Variants in ANO10 observed in about 807,000 individuals in gnomAD.
ANO10 encodes anoctamin 10.
In ANO10, 77 loss-of-function variants were observed where a neutral mutation model predicts 74.7. The observed-to-expected ratio is 1.03, with a 90% CI of 0.86 to 1.25. The LOEUF (loss-of-function observed/expected upper bound fraction) is 1.25. Among genes scored for constraint, ANO10 ranks in the 50% most tolerant of loss-of-function variants. ANO10 has a pLI of 0.00. For synonymous variants in ANO10, 279 were observed against 284.9 expected (o/e 0.98, Z 0.21); for missense variants, 721 against 778.1 (o/e 0.93, Z 0.87).
chr3:43,366,407 CAAAAGAGAACCAG>C lies in ANO10; in HGVS notation c.*486_*498del, dbSNP rs1258556301. The C allele has an allele frequency of 4.4e-6, 1 of 229,794 alleles. No homozygotes were observed. Among genetic ancestry groups the C allele is most frequent in the African/African-American group, 2.2e-5 (1 of 44,584 alleles). The allele number at this position is 229,794 out of a possible 1,614,324, so 14.2% of individuals were successfully genotyped here. ...TGATAAAGGGTCTGTTAATGTATTG[CAAAAGAGAACCAG>C]GAAAGAGGTCCAGTGTGGGAAGCAC... On this transcript the variant is annotated 3_prime_UTR_variant, in exon 13 of 13. Transcript: ENST00000292246.
intron 11 of ANO10, among the ~76,000 whole-genome samples, chr3:43,526,661 C>G: frequency 6.6e-6 from 1 of 152,140 alleles, no homozygotes; most frequent in Non-Finnish European, 1.5e-5. Context: ...CGTCCTATGT[C>G]TTATGAATAT....
At chr3:43,470,557 T>C (rs36156902) in intron 11 of ANO10, among the ~76,000 whole-genome samples, 2,864 of 152,028 alleles carry the variant, frequency 0.019, 48 homozygotes, top group South Asian at 0.059. Flanking sequence ...GGTCTCGATC[T>C]CCTGACCTCA....
At chr3:43,388,633 T>C (rs1178092004) in intron 12 of ANO10, among the ~76,000 whole-genome samples, 1 of 152,222 alleles carries the variant, frequency 6.6e-6, no homozygotes, top group African/African-American at 2.4e-5. Flanking sequence ...AGAAAAACTT[T>C]AAGTACATGG....
chr3:43,405,230 T>G (rs373000411), intron 12 of ANO10, among the ~76,000 whole-genome samples: 1 of 152,348 alleles, frequency 6.6e-6, no homozygotes, highest in African/African-American at 2.4e-5. Flanking sequence ...TACCCTTTGA[T>G]AAACTGTAAA....
chr3:43,643,678 C>CTTTTTTTT (rs1310556861), intron 1 of ANO10, among the ~76,000 whole-genome samples: 6 of 133,616 alleles, frequency 4.5e-5, no homozygotes, highest in African/African-American at 1.9e-4. Flanking sequence ...TTGTCCTCAT[C>CTTTTTTTT]TTTTCTTTTT....
At chr3:43,570,626 GC>G (rs1396840706) in intron 7 of ANO10, among the ~76,000 whole-genome samples, 1 of 151,478 alleles carries the variant, frequency 6.6e-6, no homozygotes, top group East Asian at 1.9e-4. Flanking sequence ...AAACTGGCTA[GC>G]CATATGTAGA....
chr3:43,615,088 A>G (rs1421952983), intron 1 of ANO10, among the ~76,000 whole-genome samples: 2 of 151,978 alleles, frequency 1.3e-5, no homozygotes, highest in African/African-American at 4.8e-5. Flanking sequence ...TAATAAATAA[A>G]CAGTAATATC....
rs147489741 is a variant in ANO10 at position 43,509,333 on chromosome 3, G to A, written c.1797+40387C>T. On this transcript the variant is annotated intron_variant, in intron 11 of 12. Coordinates refer to ENST00000292246, the MANE Select transcript of ANO10 (RefSeq NM_018075.5). ...GTACACGTATGTAACAAACCTGCAC[G>A]TTGTGCACATGTACCCTAGAACTTA... is the stretch of plus-strand genomic sequence containing the variant. Among the ~76,000 whole-genome samples, 136 of 152,142 alleles carry A rather than the reference G, an allele frequency of 8.9e-4. 1 individual carries two copies. Among genetic ancestry groups the A allele is most frequent in the African/African-American group, 2.8e-3 (117 of 41,488 alleles).
intron 5 of ANO10, among the ~76,000 whole-genome samples, chr3:43,579,433 T>C (rs968247663): frequency 3.9e-5 from 6 of 152,160 alleles, no homozygotes; most frequent in Non-Finnish European, 7.4e-5. Flanking sequence ...AAAACTTGTC[T>C]GAGGCTGGGC....
At chr3:43,567,538 TAAAG>T (rs955059665) in intron 7 of ANO10, among the ~76,000 whole-genome samples, 7 of 152,062 alleles carry the variant, frequency 4.6e-5, no homozygotes, top group Non-Finnish European at 1.0e-4. Flanking sequence ...TCAACATTCT[TAAAG>T]AAAAGAATTT....
intron 5 of ANO10, among the ~76,000 whole-genome samples, 169 bp from the exon 6 acceptor site, chr3:43,577,430 G>A (rs2081065592): frequency 6.6e-6 from 1 of 152,168 alleles, no homozygotes; most frequent in Admixed American, 6.5e-5. Flanking sequence ...GACCCTGCTT[G>A]TCTGCATGGC....
Position 43,576,868 on chromosome 3 carries a change from G to C in ANO10, c.986C>G (p.Ser329Ter). 1 of 1,614,190 alleles carries C rather than the reference G, an allele frequency of 6.2e-7. No homozygotes were observed. The highest frequency in any genetic ancestry group is 8.5e-7 in the Non-Finnish European group (1 of 1,180,030). ...GAAGTAAATCATCATGACATACAGT[G>C]AGAAATAGAGGCAGAGGCACACGAA... is the stretch of plus-strand genomic sequence containing the variant. ...LPFVCLCLYF[S>*]LYVMMIYFDM... Residue 329 changes from serine to a stop codon, truncating the protein, a stop_gained, in exon 6 of 13, where the codon TCA (serine) becomes TGA (stop). Coordinates refer to ENST00000292246, the MANE Select transcript of ANO10 (RefSeq NM_018075.5). LOFTEE classifies it high-confidence loss of function.
At chr3:43,401,974 C>T (rs1559510889) in intron 12 of ANO10, among the ~76,000 whole-genome samples, 1 of 146,052 alleles carries the variant, frequency 6.8e-6, no homozygotes, top group Non-Finnish European at 1.6e-5. Flanking sequence ...CTGAGGGTCC[C>T]ATGCCCAGGT....
exon 1 of ANO10, chr3:43,691,569 A>G (rs1403056451): frequency 1.3e-5 from 2 of 152,168 alleles, no homozygotes; most frequent in African/African-American, 2.4e-5. Context: ...AGCCGTAGGA[A>G]GGGGCGGCGC....
intron 7 of ANO10, among the ~76,000 whole-genome samples, chr3:43,571,197 G>A (rs1373301268): frequency 6.6e-6 from 1 of 151,494 alleles, no homozygotes; most frequent in Non-Finnish European, 1.5e-5. Flanking sequence ...AGGTGCTAGA[G>A]AGGATGTGGA....
At chr3:43,390,390 A>G (rs1210883006) in intron 12 of ANO10, among the ~76,000 whole-genome samples, 1 of 151,976 alleles carries the variant, frequency 6.6e-6, no homozygotes, top group Non-Finnish European at 1.5e-5. Flanking sequence ...CTCACTCCCA[A>G]CCTCTGTGCC....
chr3:43,429,864 T>TA (rs2092955081), intron 12 of ANO10, among the ~76,000 whole-genome samples: 1 of 152,280 alleles, frequency 6.6e-6, no homozygotes, highest in South Asian at 2.1e-4. Context: ...TTTCAATGAC[T>TA]AAATTTTGGT....
intron 1 of ANO10, among the ~76,000 whole-genome samples, chr3:43,616,360 G>GT (rs1222513572): frequency 2.0e-5 from 3 of 152,080 alleles, no homozygotes; most frequent in South Asian, 2.1e-4. Context: ...ACAACCTTTT[G>GT]TTTTTTTCTT....
chr3:43,371,633 C>T (rs746395975), intron 12 of ANO10, among the ~76,000 whole-genome samples: 20 of 152,296 alleles, frequency 1.3e-4, no homozygotes, highest in Admixed American at 2.0e-4. Flanking sequence ...GGATCAACTT[C>T]GAGCCTCCTC....
Sources: allele counts gnomAD v4.1 joint callset (sites outside exome capture counted in the v4.1 genomes callset), GRCh38; gene constraint gnomAD v4.1.1; transcripts MANE v1.5; gene names NCBI Gene and HGNC (gene_info 2026-07-23, HGNC 2026-07-21).